TRPM3: variants seen among roughly 807,000 people sequenced by gnomAD.
TRPM3 encodes the protein long transient receptor potential channel 3.
Under a neutral mutation model 181.2 loss-of-function variants are expected in TRPM3, and 77 were observed. The observed-to-expected ratio is 0.42, with a 90% CI of 0.35 to 0.51. TRPM3 has a LOEUF of 0.51. Ranked by LOEUF, TRPM3 falls within the 20% of genes least tolerant of loss-of-function variation. The pLI is 0.01. For missense variants in TRPM3, 1,759 were observed against 2,196.7 expected (o/e 0.80, Z 3.98); for synonymous variants, 745 against 796.4 (o/e 0.94, Z 1.09).
chr9:70,989,178 T>G (rs571595640), intron 1 of TRPM3, among the ~76,000 whole-genome samples: 2 of 152,334 alleles, frequency 1.3e-5, no homozygotes, highest in South Asian at 4.1e-4. Flanking sequence ...ATGTTTATAC[T>G]TTAAAAAGAT....
chr9:71,283,724 A>C (rs1266881297), intron 1 of TRPM3, among the ~76,000 whole-genome samples: 1 of 152,218 alleles, frequency 6.6e-6, no homozygotes, highest in Non-Finnish European at 1.5e-5. Context: ...GTGGCTTTGC[A>C]AATATTTCTT....
intron 25 of TRPM3, among the ~76,000 whole-genome samples, chr9:70,548,847 GCTCTCT>G (rs56761379): frequency 9.3e-5 from 14 of 150,060 alleles, no homozygotes; most frequent in African/African-American, 1.7e-4. Flanking sequence ...AAGATCTTGT[GCTCTCT>G]CTCTCTCTCT....
At chr9:71,150,517 G>A (rs1029023653) in intron 1 of TRPM3, among the ~76,000 whole-genome samples, 5 of 152,076 alleles carry the variant, frequency 3.3e-5, no homozygotes, top group Admixed American at 2.6e-4. Context: ...TCAATACTAT[G>A]TCAAATTTGA....
At position 70,681,512 on chromosome 9, in the gene TRPM3, G is replaced by A. The variant is rs1464622539; in HGVS notation, c.1339C>T (p.Leu447Phe). ...TGGACACAGACTCTTTTACCTTTGA[G>A]TAAAGCTGTCAGGATAGCCAAATCA... ...DIDLAILTAL[L>F]KGANASAPDQ... The change falls in exon 9 of 26, where the codon CTC (leucine) becomes TTC (phenylalanine). Residue 447 changes from leucine to phenylalanine, a missense_variant. This residue lies in a region of TRPM3 where 737 missense variants were observed against 957.4 expected (regional missense o/e 0.77). Coordinates refer to ENST00000677713, the MANE Select transcript of TRPM3 (RefSeq NM_001366145.2). The A allele has an allele frequency of 6.2e-7, 1 of 1,613,536 alleles. No individual in the cohort carries two copies. Among genetic ancestry groups the A allele is most frequent in the South Asian group, 1.1e-5 (1 of 91,052 alleles).
intron 3 of TRPM3, among the ~76,000 whole-genome samples, chr9:70,848,388 A>G (rs1239243727): frequency 6.6e-6 from 1 of 152,170 alleles, no homozygotes; most frequent in East Asian, 1.9e-4. Flanking sequence ...TTATAGGTAG[A>G]AGTAAAAGAG....
At chr9:70,606,933 C>G (rs920627781) in intron 19 of TRPM3, among the ~76,000 whole-genome samples, 2 of 152,138 alleles carry the variant, frequency 1.3e-5, no homozygotes, top group Non-Finnish European at 2.9e-5. Flanking sequence ...TCTACTACCT[C>G]TGGAGAGCAG....
In TRPM3 at chr9:70,835,690, A is replaced by G. The variant is rs534644579; in HGVS notation, c.801+7313T>C. ...ATCCTCTGTGTCTCACTGTCTCCAT[A>G]TGTACATAGAGAATAATAATAATCA... is the stretch of plus-strand genomic sequence containing the variant. On this transcript the variant is annotated intron_variant, in intron 5 of 25. Transcript: ENST00000677713. Among the ~76,000 whole-genome samples, 5 of 152,178 alleles carry G rather than the reference A, an allele frequency of 3.3e-5. No homozygotes were observed. The South Asian group carries it at 1.0e-3, about 32-fold the overall frequency.
At chr9:70,591,003 G>T (rs778308122) in intron 22 of TRPM3, 28 bp downstream of exon 22, 1 of 1,613,698 alleles carries the variant, frequency 6.2e-7, no homozygotes, top group Non-Finnish European at 8.5e-7. Context: ...ACCTGACTTT[G>T]GTGTATGAGA....
In TRPM3 at chr9:70,675,490, GATTA is replaced by G. The variant is rs1590158463; in HGVS notation, c.1345+6012_1345+6015del. 2.6e-5 allele frequency among the ~76,000 whole-genome samples: 4 copies of G among 152,094 alleles called. No homozygotes were observed. The South Asian group carries it at 8.3e-4, about 31-fold the overall frequency. ...TGTATCTATAAGTAATTAAGTAGTTGATTAATTATTGATAGCATTAATTTTGTCT... is the reference window on the plus strand; with the variant it reads ...TGTATCTATAAGTAATTAAGTAGTTGATTATTGATAGCATTAATTTTGTCT... On this transcript the variant is annotated intron_variant, in intron 9 of 25. Coordinates refer to ENST00000677713, the MANE Select transcript of TRPM3 (RefSeq NM_001366145.2).
chr9:70,927,175 G>T (rs2096728985), intron 1 of TRPM3, among the ~76,000 whole-genome samples: 2 of 152,160 alleles, frequency 1.3e-5, no homozygotes, highest in South Asian at 4.1e-4. Flanking sequence ...TTGTACTCTA[G>T]TTCTCTTTTC....
intron 1 of TRPM3, among the ~76,000 whole-genome samples, chr9:71,052,346 G>T (rs1365354932): frequency 6.6e-6 from 1 of 152,130 alleles, no homozygotes; most frequent in East Asian, 1.9e-4. Flanking sequence ...AACCCACGAA[G>T]GAAGAAATGT....
chr9:70,794,555 G>A (rs2086515788), intron 6 of TRPM3, among the ~76,000 whole-genome samples: 1 of 152,140 alleles, frequency 6.6e-6, no homozygotes, highest in Non-Finnish European at 1.5e-5. Flanking sequence ...GCCTTGGCTA[G>A]TCTCACTCTC....
intron 7 of TRPM3, among the ~76,000 whole-genome samples, chr9:70,767,288 G>A (rs1157324410): frequency 6.6e-6 from 1 of 152,158 alleles, no homozygotes; most frequent in African/African-American, 2.4e-5. Context: ...AATTATAGTA[G>A]AGTCTTGCAA....
intron 1 of TRPM3, among the ~76,000 whole-genome samples, chr9:71,301,322 C>T (rs955722630): frequency 3.3e-5 from 5 of 152,102 alleles, no homozygotes; most frequent in Non-Finnish European, 5.9e-5. Context: ...GATTTCCCTT[C>T]TAAAGTTTGT....
chr9:70,557,446 A>T (rs2047985108), intron 22 of TRPM3, among the ~76,000 whole-genome samples: 1 of 152,238 alleles, frequency 6.6e-6, no homozygotes, highest in Non-Finnish European at 1.5e-5. Context: ...ATGTTGTTCT[A>T]TAATGGTTTC....
chr9:70,811,193 C>A, intron 6 of TRPM3: 1 of 1,612,602 alleles, frequency 6.2e-7, no homozygotes, highest in Admixed American at 1.7e-5. Context: ...CTGGCAACTA[C>A]CCCAAAATGA....
chr9:71,161,647 G>A (rs1362498730), intron 1 of TRPM3, among the ~76,000 whole-genome samples: 4 of 152,104 alleles, frequency 2.6e-5, no homozygotes, highest in Non-Finnish European at 4.4e-5. Context: ...ACTGTGTACT[G>A]TCTTAGCATA....
intron 1 of TRPM3, among the ~76,000 whole-genome samples, chr9:71,062,633 T>G (rs561150669): frequency 2.2e-4 from 33 of 152,224 alleles, no homozygotes; most frequent in African/African-American, 7.2e-4. Context: ...AAAATTCATG[T>G]GTAGGAAATT....
chr9:71,069,632 G>A (rs1250369801), intron 1 of TRPM3, among the ~76,000 whole-genome samples: 7 of 141,670 alleles, frequency 4.9e-5, no homozygotes, highest in East Asian at 2.1e-4. Context: ...TTTTTGAGAC[G>A]GAGTCTCACT....
Sources: allele counts gnomAD v4.1 joint callset (sites outside exome capture counted in the v4.1 genomes callset), GRCh38; gene constraint gnomAD v4.1.1; regional missense constraint gnomAD v4.1.1; transcripts MANE v1.5; gene names NCBI Gene and HGNC (gene_info 2026-07-23, HGNC 2026-07-21).